ARHGEF18: variants seen among roughly 807,000 people sequenced by gnomAD.
ARHGEF18 encodes the protein rho guanine nucleotide exchange factor 18.
In ARHGEF18, 93 loss-of-function variants were observed where a neutral mutation model predicts 155.7. The ratio of observed to expected loss-of-function variants is 0.60; its 90% CI spans 0.50 to 0.71. The LOEUF (loss-of-function observed/expected upper bound fraction) is 0.71, where lower values mean the gene tolerates loss of function less well. Ranked by LOEUF, ARHGEF18 falls within the 30% of genes least tolerant of loss-of-function variation. The probability of loss-of-function intolerance (pLI) is 0.00; values close to 1 mark genes in which losing one functional copy is unlikely to be tolerated. For missense variants in ARHGEF18, 1,593 were observed against 1,816.1 expected (o/e 0.88, Z 2.23); for synonymous variants, 742 against 753.1 (o/e 0.99, Z 0.24).
chr19:7,456,429 A>T, intron 18 of ARHGEF18, 26 bp downstream of exon 18: 2 of 1,607,610 alleles, frequency 1.2e-6, no homozygotes, highest in Non-Finnish European at 1.7e-6. Flanking sequence ...CTTCAGACGA[A>T]GGGTCGGCTG....
chr19:7,426,247 G>A (rs901717276), intron 10 of ARHGEF18, among the ~76,000 whole-genome samples: 1 of 152,098 alleles, frequency 6.6e-6, no homozygotes, highest in African/African-American at 2.4e-5. Context: ...CAACACTTTG[G>A]GAGGCTGAGG....
chr19:7,418,917 C>A (rs1044400801), intron 10 of ARHGEF18, among the ~76,000 whole-genome samples: 5 of 151,948 alleles, frequency 3.3e-5, no homozygotes, highest in South Asian at 2.1e-4. Flanking sequence ...GTTCAGTAAG[C>A]ACCAGGGAAT....
At chr19:7,478,475 A>C in the ARHGEF18 span, 1 of 1,294,364 alleles carries the variant, frequency 7.7e-7, no homozygotes, top group Non-Finnish European at 1.1e-6. Context: ...CAGGTGCTGC[A>C]TCTCGGATAA....
In ARHGEF18 at chr19:7,468,816, T is replaced by A. The variant is rs1200004090; in HGVS notation, c.3481-9T>A. ...CTCACATTGGATGTATCTGCTGTTG[T>A]CCCCTCAGGCCCAGCCCCCAAGCCA... On this transcript the variant is annotated splice_polypyrimidine_tract_variant and intron_variant, in intron 26 of 28. Coordinates refer to ENST00000668164, the MANE Select transcript of ARHGEF18 (RefSeq NM_001367823.1). 2.6e-6 allele frequency: 4 copies of A among 1,535,624 alleles called. No homozygotes were observed. The highest frequency in any genetic ancestry group is 1.2e-5 in the South Asian group (1 of 82,354).
chr19:7,400,334 A>T (rs566688452), intron 10 of ARHGEF18, among the ~76,000 whole-genome samples: 182 of 152,106 alleles, frequency 1.2e-3, no homozygotes, highest in Admixed American at 3.0e-3. Flanking sequence ...TTATTTTTTT[A>T]AAAAAACAGG....
chr19:7,475,493 A>G (rs984006579), downstream of ARHGEF18, among the ~76,000 whole-genome samples: 2 of 152,008 alleles, frequency 1.3e-5, no homozygotes, highest in African/African-American at 2.4e-5. Context: ...GATAAATTTT[A>G]TATGTGAATT....
At chr19:7,436,526 G>A (rs572210218) in intron 10 of ARHGEF18, among the ~76,000 whole-genome samples, 354 of 152,028 alleles carry the variant, frequency 2.3e-3, no homozygotes, top group Middle Eastern at 6.8e-3. Context: ...GATCCACCCC[G>A]CTCGGCCTCC....
chr19:7,374,809 G>C (rs904916859), intron 3 of ARHGEF18, among the ~76,000 whole-genome samples: 7 of 152,150 alleles, frequency 4.6e-5, no homozygotes, highest in Non-Finnish European at 1.0e-4. Context: ...GCTTAAACGT[G>C]ATCTGCATAC....
chr19:7,394,730 T>A (rs2145530854), intron 10 of ARHGEF18, among the ~76,000 whole-genome samples: 1 of 148,002 alleles, frequency 6.8e-6, no homozygotes, highest in South Asian at 2.1e-4. Flanking sequence ...CAGGACTCCC[T>A]CCCCAGCCGC....
chr19:7,439,238 T>A (rs1364064893), intron 10 of ARHGEF18, among the ~76,000 whole-genome samples: 3 of 151,352 alleles, frequency 2.0e-5, no homozygotes, highest in Admixed American at 6.6e-5. Flanking sequence ...GGAGGACCGC[T>A]TGAAGTCAGG....
In ARHGEF18 at chr19:7,467,223, G is replaced by A; in HGVS notation, c.3019G>A (p.Ala1007Thr). Residue 1007 changes from alanine to threonine, a missense_variant, in exon 26 of 29, where the codon GCC (alanine) becomes ACC (threonine). Coordinates refer to ENST00000668164, the MANE Select transcript of ARHGEF18 (RefSeq NM_001367823.1). ...CCCTGGCCCTCCGCAGGCGGTAATC[G>A]CCCACCAGGACAGCTATGTGGAGAC... ...QLLLNLQAVI[A>T]HQDSYVETQR... 1.9e-6 allele frequency: 3 copies of A among 1,583,804 alleles called. No homozygotes were observed. Among genetic ancestry groups the A allele is most frequent in the Non-Finnish European group, 1.7e-6 (2 of 1,161,716 alleles).
At chr19:7,428,872 A>G (rs1973805524) in intron 10 of ARHGEF18, among the ~76,000 whole-genome samples, 1 of 152,134 alleles carries the variant, frequency 6.6e-6, no homozygotes, top group South Asian at 2.1e-4. Flanking sequence ...CTCGTGCCGC[A>G]ATGGGCTGAG....
intron 1 of ARHGEF18, among the ~76,000 whole-genome samples, chr19:7,361,433 A>G (rs952459627): frequency 7.2e-5 from 11 of 152,000 alleles, no homozygotes; most frequent in African/African-American, 1.4e-4. Flanking sequence ...GTGAGGCTCT[A>G]TCTCAAAAAA....
rs577523426 is a variant in ARHGEF18 at position 7,469,116 on chromosome 19, C to A, written c.3772C>A (p.Arg1258Ser). ...DKGGKSRGSQ[R>S]WESSASFDLK... The stretch of plus-strand genomic sequence containing the variant: ...GGGCGGCAAGAGCAGGGGCTCTCAG[C>A]GCTGGGAGAGCTCAGGTGAGCCGGC... The change falls in exon 27 of 29, where the codon CGC becomes AGC. Residue 1258 changes from arginine (R) to serine (S), a missense_variant. Coordinates refer to ENST00000668164, the MANE Select transcript of ARHGEF18 (RefSeq NM_001367823.1). The A allele has an allele frequency of 1.1e-4, 177 of 1,601,068 alleles. 2 individuals are homozygous for A. In the South Asian group the frequency reaches 1.9e-3, roughly 18 times the overall value.
At position 7,380,901 on chromosome 19, in the gene ARHGEF18, C is replaced by A; in HGVS notation, c.645-16C>A. 8.1e-7 allele frequency: 1 copy of A among 1,231,586 alleles called. No homozygotes were observed. Among genetic ancestry groups the A allele is most frequent in the Non-Finnish European group, 1.0e-6 (1 of 987,608 alleles). 76.3% of individuals were successfully genotyped at this position (1,231,586 alleles called of 1,614,324 possible). On this transcript the variant is annotated splice_polypyrimidine_tract_variant and intron_variant, in intron 7 of 28. Coordinates refer to ENST00000668164, the MANE Select transcript of ARHGEF18 (RefSeq NM_001367823.1). ...GAGGCTGCCGACCCAGGTATCTGTCCCCTCTGATCCTGCAGGGCCCGGCAG... is the reference window on the plus strand; with the variant it reads ...GAGGCTGCCGACCCAGGTATCTGTCACCTCTGATCCTGCAGGGCCCGGCAG...
chr19:7,439,879 G>C, intron 10 of ARHGEF18: 1 of 1,450,938 alleles, frequency 6.9e-7, no homozygotes, highest in Non-Finnish European at 9.1e-7. Flanking sequence ...GAGCCTGGAG[G>C]GGTTGTTTTT....
chr19:7,449,247 C>G (rs1975206052), intron 15 of ARHGEF18, among the ~76,000 whole-genome samples: 1 of 151,980 alleles, frequency 6.6e-6, no homozygotes. Flanking sequence ...GTCAGGTGAC[C>G]CCTTTTGGTT....
chr19:7,478,971 C>A, the ARHGEF18 span, among the ~76,000 whole-genome samples: 1 of 152,220 alleles, frequency 6.6e-6, no homozygotes, highest in Non-Finnish European at 1.5e-5. Context: ...GCATGGCACC[C>A]ACCCGGGCCA....
chr19:7,363,192 A>T (rs993407065), intron 2 of ARHGEF18, among the ~76,000 whole-genome samples: 2 of 151,998 alleles, frequency 1.3e-5, no homozygotes, highest in Non-Finnish European at 2.9e-5. Flanking sequence ...GGAAGGAAAG[A>T]GGAAATCAAG....
Sources: gnomAD v4.1 joint callset for allele counts (sites outside exome capture counted in the v4.1 genomes callset) on GRCh38, gnomAD v4.1.1 for gene constraint, MANE v1.5 for transcripts, NCBI Gene and HGNC (gene_info 2026-07-23, HGNC 2026-07-21) for gene names.